Variants in SYT16 observed in about 807,000 individuals in gnomAD.
The protein encoded by SYT16 is synaptotagmin 16, also known as synaptotagmin-16.
A neutral mutation model predicts 61.4 loss-of-function variants in SYT16; 42 were observed. The ratio of observed to expected loss-of-function variants is 0.68; its 90% confidence interval spans 0.53 to 0.89. The LOEUF is 0.89. SYT16 is among the 40% of genes least tolerant of loss of function. SYT16 has a pLI of 0.00. For synonymous variants in SYT16, 314 were observed against 302.3 expected (o/e 1.04, Z -0.40); for missense variants, 804 against 807.3 (o/e 1.00, Z 0.05).
rs146218683 is a variant in SYT16, at chr14:61,939,410, A to G, written c.-324-30722A>G. Among the ~76,000 whole-genome samples, 246 of 152,316 alleles carry G rather than the reference A, an allele frequency of 1.6e-3. 1 individual carries two copies. Among genetic ancestry groups the G allele is most frequent in the African/African-American group, 5.6e-3 (231 of 41,578 alleles). ...CACTAGTGCTGCTTTCACAAATGCC[A>G]CCAACTGCAAAGCTTCAACAGCAGA... is the stretch of plus-strand genomic sequence containing the variant. On this transcript the variant is annotated intron_variant, in intron 1 of 7. Coordinates refer to ENST00000683842, the MANE Select transcript of SYT16 (RefSeq NM_001367656.1).
chr14:61,960,898 T>C (rs1211389208), intron 1 of SYT16, among the ~76,000 whole-genome samples: 1 of 152,106 alleles, frequency 6.6e-6, no homozygotes, highest in Non-Finnish European at 1.5e-5. Context: ...CAAAACAGCA[T>C]GGTATTGGCA....
Position 62,100,597 on chromosome 14 carries a change from A to C in SYT16, c.1828A>C (p.Ile610Leu), listed in dbSNP as rs1452152079. 6.2e-7 allele frequency: 1 copy of C among 1,613,660 alleles called. No individual in the cohort carries two copies. Among genetic ancestry groups the C allele is most frequent in the Non-Finnish European group, 8.5e-7 (1 of 1,179,826 alleles). The change falls in exon 8 of 8, where the codon ATT (isoleucine) becomes CTT (leucine). Residue 610 changes from isoleucine (I) to leucine (L), a missense_variant. Transcript: ENST00000683842. The part of the protein sequence containing the change: ...TMKRKEMIGW[I>L]ALGQNSSGEE... The stretch of plus-strand genomic sequence containing the variant: ...GAAGCGTAAAGAGATGATTGGCTGG[A>C]TTGCCCTGGGCCAGAACAGCAGTGG...
intron 2 of SYT16, among the ~76,000 whole-genome samples, chr14:61,993,932 C>T (rs1473353755): frequency 5.3e-5 from 8 of 152,146 alleles, no homozygotes; most frequent in Non-Finnish European, 8.8e-5. Flanking sequence ...ACTAAACAGA[C>T]AATCCCTGCC....
At chr14:61,951,837 T>G (rs1566710345) in intron 1 of SYT16, among the ~76,000 whole-genome samples, 1 of 152,176 alleles carries the variant, frequency 6.6e-6, no homozygotes, top group African/African-American at 2.4e-5. Flanking sequence ...TTGCCCAGGA[T>G]GGAGGGCAGT....
rs184313378 is a variant in SYT16, at chr14:61,948,079, A to C, written c.-324-22053A>C. On this transcript the variant is annotated intron_variant, in intron 1 of 7. Transcript: ENST00000683842. ...GGTGGTCTGGGGCTGGTTTAGAAAG[A>C]GTCTTGAATGTTATAATATTTTGAA... Among the ~76,000 whole-genome samples the C allele has an allele frequency of 1.3e-3, 202 of 152,278 alleles. 1 individual carries two copies. The highest frequency in any genetic ancestry group is 1.6e-3 in the Non-Finnish European group (112 of 68,020).
intron 1 of SYT16, among the ~76,000 whole-genome samples, chr14:61,900,943 C>T (rs1158113360): frequency 6.6e-6 from 1 of 152,234 alleles, no homozygotes; most frequent in African/African-American, 2.4e-5. Flanking sequence ...CAGGTGGCCA[C>T]ATACACCCCT....
intron 5 of SYT16, chr14:62,079,411 A>T: frequency 9.0e-7 from 1 of 1,106,182 alleles, no homozygotes; most frequent in Non-Finnish European, 1.2e-6. Context: ...TACTTTTTAC[A>T]ACATCCCTAC....
At chr14:62,015,922 C>G (rs1310793540) in intron 3 of SYT16, among the ~76,000 whole-genome samples, 1 of 152,222 alleles carries the variant, frequency 6.6e-6, no homozygotes, top group South Asian at 2.1e-4. Context: ...TCAGCCTTCA[C>G]TCTTAGTCCT....
rs188676648 is a variant in SYT16, at chr14:61,858,216, A to T, written c.-325+45406A>T. On this transcript the variant is annotated intron_variant, in intron 1 of 7. Coordinates refer to ENST00000683842, the MANE Select transcript of SYT16 (RefSeq NM_001367656.1). Reference sequence around the variant, plus strand: ...CAATAACTAAGAGACAAAACTTGGCAAACAGTCTTAGGTCCACATTTCAAT... The same window carrying T: ...CAATAACTAAGAGACAAAACTTGGCTAACAGTCTTAGGTCCACATTTCAAT... Among the ~76,000 whole-genome samples, 315 of 152,120 alleles carry T rather than the reference A, an allele frequency of 2.1e-3. 1 individual carries two copies. Among genetic ancestry groups the T allele is most frequent in the African/African-American group, 7.3e-3 (305 of 41,508 alleles).
At chr14:61,886,880 C>CTTT (rs371140698) in intron 1 of SYT16, among the ~76,000 whole-genome samples, 12 of 110,784 alleles carry the variant, frequency 1.1e-4, no homozygotes, top group African/African-American at 1.0e-4. Context: ...TTTTTTTTGT[C>CTTT]TTTTTTTTTT....
At chr14:61,951,413 G>C (rs973113633) in intron 1 of SYT16, among the ~76,000 whole-genome samples, 1 of 152,078 alleles carries the variant, frequency 6.6e-6, no homozygotes, top group Admixed American at 6.5e-5. Flanking sequence ...TCTTTTTAAG[G>C]GTATTGGATT....
intron 1 of SYT16, among the ~76,000 whole-genome samples, chr14:61,853,956 T>C (rs2046695411): frequency 6.6e-6 from 1 of 152,212 alleles, no homozygotes; most frequent in South Asian, 2.1e-4. Flanking sequence ...TACATGCATA[T>C]TGATACTGTA....
At chr14:62,081,337 C>G (rs756697086) in intron 6 of SYT16, 63 bp downstream of exon 6, 85 of 1,507,580 alleles carry the variant, frequency 5.6e-5, no homozygotes, top group Non-Finnish European at 7.1e-5. Context: ...ATTGTCAGCC[C>G]TTGATTTAGT....
intron 3 of SYT16, among the ~76,000 whole-genome samples, chr14:62,036,309 A>G (rs996782260): frequency 2.0e-5 from 3 of 152,082 alleles, no homozygotes; most frequent in Non-Finnish European, 4.4e-5. Flanking sequence ...GTAACCACGC[A>G]TTGGTTGGGT....
intron 3 of SYT16, among the ~76,000 whole-genome samples, chr14:62,001,966 T>C (rs1199953294): frequency 1.3e-5 from 2 of 152,124 alleles, no homozygotes; most frequent in Non-Finnish European, 2.9e-5. Flanking sequence ...CATCACTTCA[T>C]GTACATTCCC....
At position 61,968,757 on chromosome 14, in the gene SYT16, A is replaced by G. The variant is rs538317365; in HGVS notation, c.-324-1375A>G. 3.9e-5 allele frequency among the ~76,000 whole-genome samples: 6 copies of G among 152,340 alleles called. No individual in the cohort carries two copies. The East Asian group carries it at 1.2e-3, about 29-fold the overall frequency. On this transcript the variant is annotated intron_variant, in intron 1 of 7. Transcript: ENST00000683842. ...ATTTGCCGAAGCCACACAGATAGTA[A>G]GTGGTATGTCATTTCAACCAAGCGC... is the stretch of plus-strand genomic sequence containing the variant.
At chr14:62,042,490 T>G (rs1210794398) in intron 3 of SYT16, among the ~76,000 whole-genome samples, 1 of 152,230 alleles carries the variant, frequency 6.6e-6, no homozygotes, top group African/African-American at 2.4e-5. Flanking sequence ...TGATTGTTCC[T>G]CATTACTGAG....
chr14:61,894,209 C>T (rs1177343029), intron 1 of SYT16, among the ~76,000 whole-genome samples: 4 of 151,910 alleles, frequency 2.6e-5, no homozygotes, highest in East Asian at 3.9e-4. Context: ...CGCTTGAGCC[C>T]GGGAGGCTGA....
At position 62,100,496 on chromosome 14, in the gene SYT16, C is replaced by A. The variant is rs376745037; in HGVS notation, c.1727C>A (p.Thr576Asn). The A allele has an allele frequency of 2.5e-6, 4 of 1,613,616 alleles. No individual in the cohort carries two copies. Among genetic ancestry groups the A allele is most frequent in the Admixed American group, 1.7e-5 (1 of 59,924 alleles). ...RGQPNPVYKETFVFQVALFQL... is the reference protein window; with the variant it reads ...RGQPNPVYKENFVFQVALFQL... Reference sequence around the variant, plus strand: ...CAGCCCAATCCTGTCTATAAGGAGACCTTTGTTTTCCAGGTGGCCCTCTTT... The same window carrying A: ...CAGCCCAATCCTGTCTATAAGGAGAACTTTGTTTTCCAGGTGGCCCTCTTT... Residue 576 changes from threonine to asparagine, a missense_variant, in exon 8 of 8, where the codon ACC (threonine) becomes AAC (asparagine). Coordinates refer to ENST00000683842, the MANE Select transcript of SYT16 (RefSeq NM_001367656.1).
Sources: allele counts gnomAD v4.1 joint callset (sites outside exome capture counted in the v4.1 genomes callset), GRCh38; gene constraint gnomAD v4.1.1; transcripts MANE v1.5; gene names NCBI Gene and HGNC (gene_info 2026-07-23, HGNC 2026-07-21).